Variants in TENM2 observed in about 807,000 individuals in gnomAD.
TENM2 encodes teneurin-2.
TENM2 carries 52 observed loss-of-function variants against 245.2 expected under a neutral mutation model. The observed-to-expected ratio is 0.21, with a 90% confidence interval of 0.17 to 0.27. The LOEUF (loss-of-function observed/expected upper bound fraction) is 0.27, where lower values mean the gene tolerates loss of function less well. Among genes scored for constraint, TENM2 ranks in the 10% least tolerant of loss-of-function variants. The pLI is 1.00. For synonymous variants in TENM2, 1,363 were observed against 1,438.9 expected (o/e 0.95, Z 1.19); for missense variants, 3,046 against 3,666.8 (o/e 0.83, Z 4.37).
intron 2 of TENM2, among the ~76,000 whole-genome samples, chr5:167,768,009 C>A (rs1485126367): frequency 6.6e-6 from 1 of 152,166 alleles, no homozygotes; most frequent in African/African-American, 2.4e-5. Flanking sequence ...GTGAACGTGG[C>A]TTGTCTTGAG....
chr5:167,787,611 T>A (rs1764673714), intron 2 of TENM2, among the ~76,000 whole-genome samples: 1 of 152,224 alleles, frequency 6.6e-6, no homozygotes, highest in South Asian at 2.1e-4. Flanking sequence ...CCTTTTCCAG[T>A]GATTCCAACA....
At chr5:168,004,641 G>A (rs1023570690) in intron 5 of TENM2, among the ~76,000 whole-genome samples, 5 of 152,026 alleles carry the variant, frequency 3.3e-5, no homozygotes, top group South Asian at 2.1e-4. Flanking sequence ...GTATCTGGAC[G>A]GATGGATTTG....
intron 25 of TENM2, among the ~76,000 whole-genome samples, chr5:168,234,189 A>T (rs916518114): frequency 1.3e-5 from 2 of 151,962 alleles, no homozygotes; most frequent in East Asian, 3.9e-4. Context: ...GCCAAAGTTG[A>T]CTCCAGGCTT....
intron 2 of TENM2, among the ~76,000 whole-genome samples, chr5:167,735,516 A>G (rs1228028327): frequency 2.0e-5 from 3 of 152,204 alleles, no homozygotes; most frequent in African/African-American, 4.8e-5. Context: ...TGTGAAAACT[A>G]TTGACCAGGA....
intron 2 of TENM2, among the ~76,000 whole-genome samples, chr5:167,838,723 G>A (rs1704014778): frequency 6.6e-6 from 1 of 152,150 alleles, no homozygotes; most frequent in Non-Finnish European, 1.5e-5. Flanking sequence ...TTTTCTGAGA[G>A]GAGGCACTGG....
At chr5:167,450,695 A>G (rs1335129335) in intron 2 of TENM2, among the ~76,000 whole-genome samples, 1 of 152,158 alleles carries the variant, frequency 6.6e-6, no homozygotes, top group Non-Finnish European at 1.5e-5. Context: ...TAGGGCCCCA[A>G]ATGATCTCAG....
chr5:167,960,706 G>A (rs896124002), intron 4 of TENM2, among the ~76,000 whole-genome samples: 13 of 152,128 alleles, frequency 8.5e-5, no homozygotes, highest in South Asian at 2.1e-4. Context: ...GGGAGTGAAC[G>A]GTTCTGTCTT....
In TENM2 at chr5:168,218,118, T is replaced by C. The variant is rs750175900; in HGVS notation, c.4234-7T>C. 1.3e-5 allele frequency: 21 copies of C among 1,609,254 alleles called. No individual in the cohort carries two copies. The highest frequency in any genetic ancestry group is 1.7e-5 in the Admixed American group (1 of 59,856). ...TGTTCTTTAATCTGATACCACGTCA[T>C]CCACAGGTTCGTCTGGAGTGGCCAA... On this transcript the variant is annotated splice_polypyrimidine_tract_variant and splice_region_variant and intron_variant, in intron 22 of 28. Transcript: ENST00000518659. This position sits in a 1 kb window ranked among gnomAD's most constrained non-coding sequence, Gnocchi z 5.2.
At chr5:167,489,598 A>G (rs1196987588) in intron 2 of TENM2, among the ~76,000 whole-genome samples, 1 of 152,016 alleles carries the variant, frequency 6.6e-6, no homozygotes, top group Non-Finnish European at 1.5e-5. Flanking sequence ...GTCACTTAGC[A>G]CCTTCTAAGA....
At chr5:167,193,490 G>T in the TENM2 span, among the ~76,000 whole-genome samples, 3 of 142,908 alleles carry the variant, frequency 2.1e-5, no homozygotes, top group African/African-American at 7.5e-5. Flanking sequence ...GTTTGTAACA[G>T]ACAGAAAGGG....
intron 19 of TENM2, among the ~76,000 whole-genome samples, chr5:168,206,754 A>G (rs1023459558): frequency 2.3e-4 from 35 of 152,284 alleles, no homozygotes; most frequent in African/African-American, 7.9e-4. Flanking sequence ...TGGGCAACAG[A>G]GAACCATGGG....
chr5:167,984,533 G>A (rs1783086303), intron 4 of TENM2, among the ~76,000 whole-genome samples: 1 of 152,136 alleles, frequency 6.6e-6, no homozygotes. Flanking sequence ...GCACATGCTT[G>A]TAACCCCAGC....
chr5:167,828,978 G>A (rs562756800), intron 2 of TENM2, among the ~76,000 whole-genome samples: 4 of 152,248 alleles, frequency 2.6e-5, no homozygotes, highest in Non-Finnish European at 4.4e-5. Context: ...GCCTCTTGTC[G>A]CCTATGTTGA....
intron 7 of TENM2, among the ~76,000 whole-genome samples, chr5:168,065,133 G>T (rs142806258): frequency 6.6e-6 from 1 of 152,320 alleles, no homozygotes; most frequent in Admixed American, 6.5e-5. Flanking sequence ...AAGAGGTGGG[G>T]TGGGGGTAGA....
intron 2 of TENM2, among the ~76,000 whole-genome samples, chr5:167,497,364 T>C: frequency 6.6e-6 from 1 of 152,118 alleles, no homozygotes; most frequent in Non-Finnish European, 1.5e-5. Flanking sequence ...TTTTCATGAA[T>C]TATTCTAAAA....
chr5:167,812,428 C>A (rs1766709845), intron 2 of TENM2, among the ~76,000 whole-genome samples: 1 of 152,210 alleles, frequency 6.6e-6, no homozygotes, highest in South Asian at 2.1e-4. Context: ...TTGGAGGGGG[C>A]ATCTGTGTAG....
chr5:167,708,279 T>A (rs949122035), intron 2 of TENM2, among the ~76,000 whole-genome samples: 1 of 152,128 alleles, frequency 6.6e-6, no homozygotes, highest in African/African-American at 2.4e-5. Flanking sequence ...CTATATTATA[T>A]ATACATACCT....
intron 9 of TENM2, among the ~76,000 whole-genome samples, chr5:168,112,575 G>A: frequency 8.3e-6 from 1 of 120,932 alleles, no homozygotes; most frequent in Non-Finnish European, 1.6e-5. Context: ...GCATAGTATG[G>A]AATTTATTTT....
intron 5 of TENM2, among the ~76,000 whole-genome samples, chr5:167,995,798 C>T (rs932941292): frequency 1.3e-5 from 2 of 152,184 alleles, no homozygotes; most frequent in Non-Finnish European, 2.9e-5. Flanking sequence ...TACAGAGCTG[C>T]AGGGGCATAA....
Sources: gnomAD v4.1 joint callset for allele counts (sites outside exome capture counted in the v4.1 genomes callset) on GRCh38, gnomAD v4.1.1 for gene constraint, Gnocchi (gnomAD v3.1) non-coding constraint, MANE v1.5 for transcripts, NCBI Gene and HGNC (gene_info 2026-07-23, HGNC 2026-07-21) for gene names.